The following PRKG1 variants were observed in gnomAD, a reference collection of about 807,000 sequenced individuals.
The protein encoded by PRKG1 is protein kinase cGMP-dependent 1.
In PRKG1, 35 loss-of-function variants were observed where a neutral mutation model predicts 88.1. The observed-to-expected ratio is 0.40, with a 90% CI of 0.30 to 0.53. The LOEUF is 0.53. Ranked by LOEUF, PRKG1 falls within the 20% of genes least tolerant of loss-of-function variation. The pLI, the probability that PRKG1 is intolerant of heterozygous loss-of-function variation, is 0.59. For missense variants in PRKG1, 540 were observed against 839.8 expected (o/e 0.64, Z 4.41); for synonymous variants, 303 against 292.5 (o/e 1.04, Z -0.37).
chr10:51,040,311 C>CTTTTTTTTTTTTTTTTTTTT (rs34444612), intron 1 of PRKG1, among the ~76,000 whole-genome samples: 1 of 42,584 alleles, frequency 2.3e-5, no homozygotes, highest in Non-Finnish European at 4.0e-5. Flanking sequence ...TTCTTTTTCT[C>CTTTTTTTTTTTTTTTTTTTT]TTTTTTTTTT....
At chr10:52,060,628 G>GA (rs577859826) in intron 6 of PRKG1, among the ~76,000 whole-genome samples, 19 of 151,426 alleles carry the variant, frequency 1.3e-4, no homozygotes, top group Non-Finnish European at 2.7e-4. Context: ...TACCTTTCTG[G>GA]AAAAAAATCA....
At chr10:52,032,652 C>G (rs974433785) in intron 5 of PRKG1, among the ~76,000 whole-genome samples, 3 of 151,904 alleles carry the variant, frequency 2.0e-5, no homozygotes, top group African/African-American at 7.3e-5. Context: ...TTTAATTCCC[C>G]CTTTTTCATT....
At chr10:51,563,856 ACAT>A (rs1211599590) in intron 3 of PRKG1, among the ~76,000 whole-genome samples, 2 of 152,116 alleles carry the variant, frequency 1.3e-5, no homozygotes, top group African/African-American at 4.8e-5. Flanking sequence ...TTTATCAAAG[ACAT>A]CATAATTTGC....
Position 52,103,793 on chromosome 10 carries a change from A to G in PRKG1, c.936-30047A>G, listed in dbSNP as rs573546278. Among the ~76,000 whole-genome samples the G allele has an allele frequency of 1.7e-4, 26 of 152,106 alleles. 1 individual carries two copies. In the South Asian group the frequency reaches 5.2e-3, roughly 30 times the overall value. Reference sequence around the variant, plus strand: ...AATTAAGGAAGACTAAATAAGCTTGAAAGCCTCATTGTTTTCTTTGTATGA... The same window carrying G: ...AATTAAGGAAGACTAAATAAGCTTGGAAGCCTCATTGTTTTCTTTGTATGA... On this transcript the variant is annotated intron_variant, in intron 7 of 17. Coordinates refer to ENST00000373980, the MANE Select transcript of PRKG1 (RefSeq NM_006258.4).
intron 4 of PRKG1, among the ~76,000 whole-genome samples, chr10:51,841,890 C>A (rs994387003): frequency 2.6e-5 from 4 of 152,162 alleles, no homozygotes; most frequent in Admixed American, 6.5e-5. Context: ...ACCACGCTGG[C>A]CAGGCTGATC....
chr10:51,253,908 T>A (rs1401213281), intron 2 of PRKG1, among the ~76,000 whole-genome samples: 3 of 151,980 alleles, frequency 2.0e-5, no homozygotes, highest in Non-Finnish European at 4.4e-5. Context: ...AACAGTTGCA[T>A]ATTGTTTTTC....
At chr10:51,893,438 G>A (rs561515127) in intron 4 of PRKG1, among the ~76,000 whole-genome samples, 1 of 152,160 alleles carries the variant, frequency 6.6e-6, no homozygotes. Flanking sequence ...GGGCACAATG[G>A]GTGGCATACA....
intron 5 of PRKG1, among the ~76,000 whole-genome samples, chr10:51,930,495 CTTTTTTTTTTTTTT>C (rs3029977): frequency 1.9e-5 from 2 of 104,472 alleles, no homozygotes; most frequent in Admixed American, 2.2e-4. Context: ...TTTTTTTCCT[CTTTTTTTTTTTTTT>C]TTTTTTTGAG....
Position 51,398,604 on chromosome 10 carries a change from A to G in PRKG1, c.479-69119A>G, listed in dbSNP as rs191549903. Among the ~76,000 whole-genome samples the G allele has an allele frequency of 1.3e-4, 20 of 152,312 alleles. No individual in the cohort carries two copies. In the East Asian group the frequency reaches 3.9e-3, roughly 29 times the overall value. ...GATTGTTTTTTGTCCCCAGAAGGGT[A>G]TGTGTGATGGTTAATTCTATGTGTC... On this transcript the variant is annotated intron_variant, in intron 2 of 17. Coordinates refer to ENST00000373980, the MANE Select transcript of PRKG1 (RefSeq NM_006258.4).
At chr10:51,970,763 AT>A (rs1289627287) in intron 5 of PRKG1, among the ~76,000 whole-genome samples, 4 of 145,716 alleles carry the variant, frequency 2.7e-5, no homozygotes, top group Admixed American at 2.1e-4. Context: ...GATATATCAG[AT>A]TATATATATA....
chr10:52,246,552 T>C (rs927157665), intron 9 of PRKG1, among the ~76,000 whole-genome samples: 1 of 152,096 alleles, frequency 6.6e-6, no homozygotes, highest in Admixed American at 6.6e-5. Flanking sequence ...TACTCCTTAG[T>C]TCTTAAAAGT....
At chr10:51,628,993 C>A (rs7071249) in intron 3 of PRKG1, among the ~76,000 whole-genome samples, 124,454 of 148,094 alleles carry the variant, frequency 0.84, 53,502 homozygotes, top group Middle Eastern at 0.95. Context: ...AAACAAAAAC[C>A]AAAAAAACTG....
chr10:51,835,600 GT>G (rs1840112530), intron 4 of PRKG1, among the ~76,000 whole-genome samples: 1 of 152,038 alleles, frequency 6.6e-6, no homozygotes, highest in Non-Finnish European at 1.5e-5. Flanking sequence ...TTTTTCATTG[GT>G]TATCAATTAT....
chr10:52,193,524 A>T (rs1233735736), intron 9 of PRKG1, among the ~76,000 whole-genome samples: 1 of 147,924 alleles, frequency 6.8e-6, no homozygotes, highest in Non-Finnish European at 1.5e-5. Flanking sequence ...CTCCAGCCTG[A>T]ACAAAAAGAG....
intron 7 of PRKG1, 68 bp from the exon 8 acceptor site, chr10:52,133,772 A>G (rs1837328560): frequency 1.4e-5 from 19 of 1,320,778 alleles, no homozygotes; most frequent in Non-Finnish European, 2.1e-5. Context: ...TTCCTGAATT[A>G]ATCACAATGG....
intron 3 of PRKG1, among the ~76,000 whole-genome samples, chr10:51,667,895 T>A (rs950149453): frequency 1.3e-5 from 2 of 152,184 alleles, no homozygotes; most frequent in African/African-American, 4.8e-5. Context: ...TACTGAGTTA[T>A]GTGCAGAGAC....
At chr10:52,239,821 AT>A (rs1182315741) in intron 9 of PRKG1, among the ~76,000 whole-genome samples, 3 of 152,140 alleles carry the variant, frequency 2.0e-5, no homozygotes, top group African/African-American at 7.2e-5. Flanking sequence ...TATTATAATA[AT>A]TTTGTATACA....
At chr10:52,216,577 A>G (rs1840117559) in intron 9 of PRKG1, among the ~76,000 whole-genome samples, 2 of 152,216 alleles carry the variant, frequency 1.3e-5, no homozygotes, top group Admixed American at 1.3e-4. Flanking sequence ...GCTTAGCCCC[A>G]GAATTAGATG....
At chr10:51,783,525 A>G (rs960366473) in intron 3 of PRKG1, among the ~76,000 whole-genome samples, 2 of 152,134 alleles carry the variant, frequency 1.3e-5, no homozygotes, top group Admixed American at 1.3e-4. Flanking sequence ...CAAGTAGTCC[A>G]CCTGCCTCGG....
Sources: allele counts gnomAD v4.1 joint callset (sites outside exome capture counted in the v4.1 genomes callset), GRCh38; gene constraint gnomAD v4.1.1; transcripts MANE v1.5; gene names NCBI Gene and HGNC (gene_info 2026-07-23, HGNC 2026-07-21).